The following MYO1E variants were observed in gnomAD, a reference collection of about 807,000 sequenced individuals.
The protein encoded by MYO1E is myosin IE.
A neutral mutation model predicts 151.1 loss-of-function variants in MYO1E; 68 were observed. The observed-to-expected ratio is 0.45, with a 90% CI of 0.37 to 0.55. The LOEUF (loss-of-function observed/expected upper bound fraction) is 0.55, where lower values mean the gene tolerates loss of function less well. Ranked by LOEUF, MYO1E falls within the 20% of genes least tolerant of loss-of-function variation. The pLI is 0.00. For synonymous variants in MYO1E, 601 were observed against 501.7 expected, an observed-to-expected ratio of 1.20 and a Z score of -2.64; for missense variants, 1,363 against 1,389.3, an observed-to-expected ratio of 0.98 and a Z score of 0.30.
intron 1 of MYO1E, among the ~76,000 whole-genome samples, chr15:59,331,523 G>A (rs2080697966): frequency 6.6e-6 from 1 of 152,292 alleles, no homozygotes; most frequent in East Asian, 1.9e-4. Flanking sequence ...AAAAAGATCA[G>A]ATAGACTCTC....
Position 59,214,139 on chromosome 15 carries a change from G to A in MYO1E, c.1275+89C>T, listed in dbSNP as rs911200356. 2.8e-5 allele frequency: 31 copies of A among 1,125,818 alleles called. 1 individual carries two copies. The highest frequency in any genetic ancestry group is 1.6e-4 in the Admixed American group (6 of 37,914). The allele number at this position is 1,125,818 out of a possible 1,614,324, so 69.7% of individuals were successfully genotyped here. A position where few individuals can be genotyped will look rare whatever the true frequency, so the allele number is the denominator to read the frequency against. On this transcript the variant is annotated intron_variant, in intron 12 of 27. Coordinates refer to ENST00000288235, the MANE Select transcript of MYO1E (RefSeq NM_004998.4). ...CATTTCCTAATATAAGACTGGAACC[G>A]AAATCTATTAACAAAAGACAGAAAT...
At chr15:59,286,895 C>A (rs1453086453) in intron 1 of MYO1E, among the ~76,000 whole-genome samples, 2 of 151,782 alleles carry the variant, frequency 1.3e-5, no homozygotes, top group African/African-American at 2.4e-5. Flanking sequence ...GATCTCAGAC[C>A]ACAGCTGGTT....
intron 23 of MYO1E, among the ~76,000 whole-genome samples, chr15:59,162,285 T>C (rs2079542005): frequency 2.0e-5 from 3 of 152,078 alleles, no homozygotes; most frequent in Non-Finnish European, 4.4e-5. Flanking sequence ...ACTCAGCAAA[T>C]ATGAGATTAG....
intron 26 of MYO1E, among the ~76,000 whole-genome samples, chr15:59,145,802 A>G (rs1395016323): frequency 6.6e-6 from 1 of 152,222 alleles, no homozygotes; most frequent in Admixed American, 6.5e-5. Context: ...CTCCGCACTC[A>G]GTAGTAGTCA....
chr15:59,295,332 C>G (rs1322257284), intron 1 of MYO1E, among the ~76,000 whole-genome samples: 2 of 152,016 alleles, frequency 1.3e-5, no homozygotes, highest in African/African-American at 4.8e-5. Context: ...TGTGTTTGCA[C>G]TGAGCTTTTC....
At chr15:59,269,885 T>C (rs946408861) in intron 2 of MYO1E, among the ~76,000 whole-genome samples, 15 of 151,424 alleles carry the variant, frequency 9.9e-5, no homozygotes, top group Admixed American at 2.6e-4. Flanking sequence ...CACAGGTATC[T>C]GGAGCAGAAG....
intron 1 of MYO1E, among the ~76,000 whole-genome samples, chr15:59,300,369 C>A (rs1256337502): frequency 6.6e-6 from 1 of 152,070 alleles, no homozygotes; most frequent in African/African-American, 2.4e-5. Context: ...ACACACACGG[C>A]CATTTCTGGT....
chr15:59,171,869 G>A, intron 22 of MYO1E, 28 bp downstream of exon 22: 1 of 1,614,068 alleles, frequency 6.2e-7, no homozygotes, highest in South Asian at 1.1e-5. Context: ...AGAAGGGGCA[G>A]TCCTGCCTCT....
At chr15:59,372,303 T>C (rs2080951290) in intron 1 of MYO1E, among the ~76,000 whole-genome samples, 195 bp downstream of exon 1, 2 of 152,260 alleles carry the variant, frequency 1.3e-5, no homozygotes, top group East Asian at 1.9e-4. Context: ...AAAGTTTTCC[T>C]TGGCCCCTCG....
intron 2 of MYO1E, among the ~76,000 whole-genome samples, chr15:59,265,316 C>T (rs898288033): frequency 9.9e-5 from 15 of 152,130 alleles, no homozygotes; most frequent in Admixed American, 5.9e-4. Flanking sequence ...GACAAAGGTA[C>T]CACCTCCCCA....
rs2080321358 is a variant in MYO1E at position 59,276,689 on chromosome 15, C to G, written c.4-4240G>C. Reference sequence around the variant, plus strand: ...GTTGCTAACATTTAAGAGGTGGAACCCAAACACCAGAGTCCCTCACACACA... The same window carrying G: ...GTTGCTAACATTTAAGAGGTGGAACGCAAACACCAGAGTCCCTCACACACA... On this transcript the variant is annotated intron_variant, in intron 1 of 27. Coordinates refer to ENST00000288235, the MANE Select transcript of MYO1E (RefSeq NM_004998.4). Among the ~76,000 whole-genome samples the G allele has an allele frequency of 2.6e-5, 4 of 152,268 alleles. No individual in the cohort carries two copies. The South Asian group carries it at 6.2e-4, about 24-fold the overall frequency.
intron 1 of MYO1E, among the ~76,000 whole-genome samples, chr15:59,342,322 G>A (rs2080770457): frequency 6.6e-6 from 1 of 152,110 alleles, no homozygotes. Context: ...CCATTCTGTG[G>A]GTTGTCTCTT....
chr15:59,138,482 T>A, intron 26 of MYO1E, 115 bp from the exon 27 acceptor site: 2 of 1,143,688 alleles, frequency 1.7e-6, no homozygotes, highest in East Asian at 2.4e-5. Context: ...TCCAGCTCCA[T>A]CCTTAGAAGA....
intron 1 of MYO1E, among the ~76,000 whole-genome samples, chr15:59,343,452 C>T (rs767156554): frequency 1.3e-5 from 2 of 151,988 alleles, no homozygotes; most frequent in African/African-American, 2.4e-5. Flanking sequence ...TTATCCTTGA[C>T]CTTTGGGAGT....
At chr15:59,274,549 T>C (rs528703231) in intron 1 of MYO1E, among the ~76,000 whole-genome samples, 6 of 152,228 alleles carry the variant, frequency 3.9e-5, no homozygotes, top group South Asian at 2.1e-4. Flanking sequence ...TTAACCCCCA[T>C]AGACATCTAA....
intron 5 of MYO1E, 49 bp from the exon 6 acceptor site, chr15:59,231,840 C>A: frequency 6.3e-7 from 1 of 1,584,992 alleles, no homozygotes; most frequent in Non-Finnish European, 8.7e-7. Flanking sequence ...ACACCTACCA[C>A]ACAGTGTACG....
At chr15:59,179,303 A>AT (rs1390234795) in intron 18 of MYO1E, among the ~76,000 whole-genome samples, 3 of 151,270 alleles carry the variant, frequency 2.0e-5, no homozygotes, top group African/African-American at 7.3e-5. Flanking sequence ...AGCAAGTACT[A>AT]TTTTTCCTTC....
At chr15:59,247,129 G>C (rs550254112) in intron 4 of MYO1E, among the ~76,000 whole-genome samples, 5 of 152,320 alleles carry the variant, frequency 3.3e-5, no homozygotes, top group African/African-American at 1.2e-4. Flanking sequence ...CTGAGAGGCG[G>C]AGGTTGCAGT....
chr15:59,183,498 A>G (rs1346606711), intron 18 of MYO1E, among the ~76,000 whole-genome samples: 2 of 151,988 alleles, frequency 1.3e-5, no homozygotes, highest in East Asian at 3.9e-4. Context: ...CTGCACCTGG[A>G]CTGATAAGTT....
Sources: gnomAD v4.1 joint callset for allele counts (sites outside exome capture counted in the v4.1 genomes callset) on GRCh38, gnomAD v4.1.1 for gene constraint, MANE v1.5 for transcripts, NCBI Gene and HGNC (gene_info 2026-07-23, HGNC 2026-07-21) for gene names.